FKBP15: variants seen among roughly 807,000 people sequenced by gnomAD.
FKBP15 encodes the protein FKBP prolyl isomerase family member 15, also known as FK506-binding protein 15.
Under a neutral mutation model 158.1 loss-of-function variants are expected in FKBP15, and 106 were observed. The ratio of observed to expected loss-of-function variants is 0.67; its 90% CI spans 0.57 to 0.79. The LOEUF (loss-of-function observed/expected upper bound fraction) is 0.79, where lower values mean the gene tolerates loss of function less well. Ranked by LOEUF, FKBP15 falls within the 30% of genes least tolerant of loss-of-function variation. The pLI is 0.00. For missense variants in FKBP15, 1,287 were observed against 1,479.1 expected (o/e 0.87, Z 2.13); for synonymous variants, 547 against 548.6 (o/e 1.00, Z 0.04).
intron 21 of FKBP15, among the ~76,000 whole-genome samples, chr9:113,176,124 A>G (rs867625202): frequency 4.6e-5 from 7 of 152,370 alleles, no homozygotes; most frequent in African/African-American, 1.7e-4. Flanking sequence ...ATCCATCGAT[A>G]GGCAAATCAT....
At chr9:113,202,805 G>A (rs1014894422) in intron 5 of FKBP15, among the ~76,000 whole-genome samples, 156 bp downstream of exon 5, 2 of 152,126 alleles carry the variant, frequency 1.3e-5, no homozygotes, top group Non-Finnish European at 2.9e-5. Context: ...ATTCCTAGAA[G>A]GAGCCAAGAG....
chr9:113,218,324 T>C (rs1831182004), intron 1 of FKBP15, among the ~76,000 whole-genome samples: 1 of 149,392 alleles, frequency 6.7e-6, no homozygotes, highest in Admixed American at 6.7e-5. Context: ...CCTTTCCCAT[T>C]TGTAAAACGG....
chr9:113,177,784 T>C (rs1198213612), intron 20 of FKBP15, among the ~76,000 whole-genome samples: 2 of 152,218 alleles, frequency 1.3e-5, no homozygotes, highest in East Asian at 3.9e-4. Context: ...ACTAGTCCCA[T>C]GTCTGCCTTC....
In FKBP15 at chr9:113,203,043, C is replaced by G; in HGVS notation, c.325-8G>C. 6.4e-7 allele frequency: 1 copy of G among 1,559,206 alleles called. No individual in the cohort carries two copies. Among genetic ancestry groups the G allele is most frequent in the African/African-American group, 1.4e-5 (1 of 70,300 alleles). Reference sequence around the variant, plus strand: ...ATAAAGAAGAATCCTATACTGTAGACAAGCAACGACAGATAGAAAAAAAAA... The same window carrying G: ...ATAAAGAAGAATCCTATACTGTAGAGAAGCAACGACAGATAGAAAAAAAAA... On this transcript the variant is annotated splice_region_variant and splice_polypyrimidine_tract_variant and intron_variant, in intron 4 of 27. Coordinates refer to ENST00000238256, the MANE Select transcript of FKBP15 (RefSeq NM_015258.2).
intron 13 of FKBP15, 56 bp downstream of exon 13, chr9:113,188,333 G>T: frequency 2.3e-6 from 3 of 1,324,930 alleles, no homozygotes; most frequent in Non-Finnish European, 3.3e-6. Flanking sequence ...GAACAGTGAC[G>T]ATAATTTTCA....
chr9:113,195,162 C>G (rs890909889), intron 9 of FKBP15, among the ~76,000 whole-genome samples: 2 of 152,130 alleles, frequency 1.3e-5, no homozygotes, highest in Non-Finnish European at 1.5e-5. Flanking sequence ...TCACCAAGGT[C>G]TGATTTTTCA....
chr9:113,218,242 T>A (rs1230246614), intron 1 of FKBP15, among the ~76,000 whole-genome samples: 1 of 152,000 alleles, frequency 6.6e-6, no homozygotes, highest in African/African-American at 2.4e-5. Flanking sequence ...TGGTAGAATC[T>A]GCCTACCTGA....
chr9:113,191,360 T>C (rs1830571605), intron 11 of FKBP15, among the ~76,000 whole-genome samples: 1 of 152,014 alleles, frequency 6.6e-6, no homozygotes, highest in Non-Finnish European at 1.5e-5. Flanking sequence ...CTTCGCCATG[T>C]TGCCCAGGCT....
At chr9:113,205,896 T>C (rs73655844) in intron 4 of FKBP15, 34,598 of 151,938 alleles carry the variant, frequency 0.23, 4,618 homozygotes, top group African/African-American at 0.36. Context: ...GGACATTATG[T>C]GAAATGAAAT....
At chr9:113,219,652 A>G (rs1024227736) in intron 1 of FKBP15, among the ~76,000 whole-genome samples, 1 of 152,234 alleles carries the variant, frequency 6.6e-6, no homozygotes, top group African/African-American at 2.4e-5. Flanking sequence ...TGAGCCACCA[A>G]GAATTTATCT....
chr9:113,206,045 GT>G (rs35541123), intron 4 of FKBP15: 21,024 of 153,748 alleles, frequency 0.14, 1,839 homozygotes, highest in Non-Finnish European at 0.18. Flanking sequence ...TTGCTTAATG[GT>G]TACACTTTCT....
In FKBP15 at chr9:113,189,951, T is replaced by C. The variant is rs189198252; in HGVS notation, c.1173+520A>G. Among the ~76,000 whole-genome samples, 13 of 152,276 alleles carry C rather than the reference T, an allele frequency of 8.5e-5. No homozygotes were observed. In the East Asian group the frequency reaches 2.5e-3, roughly 29 times the overall value. ...AAGTGGAGAGGCTTTCTAAGCATAA[T>C]GTCAAAAGCAAATAACAAGGGGAGA... On this transcript the variant is annotated intron_variant, in intron 12 of 27. Transcript: ENST00000238256.
rs1243570135 is a variant in FKBP15 at position 113,196,953 on chromosome 9, C to T, written c.843G>A (p.Val281=). ...TCACCCGCCTAACCTCCACCTCGAA[C>T]ACCAGGATCGAGTCCGTTGCTTGAG... ...GWTQATDSIL[V]FEVEVRRVKF... is the part of the protein sequence containing the mutation. The change falls in exon 9 of 28, where the codon GTG becomes GTA. Residue 281 remains valine, a synonymous_variant. Coordinates refer to ENST00000238256, the MANE Select transcript of FKBP15 (RefSeq NM_015258.2). 4 of 1,614,002 alleles carry T rather than the reference C, an allele frequency of 2.5e-6. No individual in the cohort carries two copies. Among genetic ancestry groups the T allele is most frequent in the African/African-American group, 1.3e-5 (1 of 75,042 alleles).
At chr9:113,174,679 C>T in intron 21 of FKBP15, 96 bp from the exon 22 acceptor site, 4 of 1,304,854 alleles carry the variant, frequency 3.1e-6, no homozygotes, top group Non-Finnish European at 4.1e-6. Context: ...GGAATCCTTA[C>T]TCCATTTCTG....
At chr9:113,168,009 C>G (rs1278599282) in intron 27 of FKBP15, among the ~76,000 whole-genome samples, 1 of 152,188 alleles carries the variant, frequency 6.6e-6, no homozygotes, top group Admixed American at 6.5e-5. Context: ...TTAGTCCTAG[C>G]TTTGCCATTA....
intron 1 of FKBP15, among the ~76,000 whole-genome samples, chr9:113,213,892 CT>C (rs1359307956): frequency 6.6e-6 from 1 of 152,158 alleles, no homozygotes; most frequent in Non-Finnish European, 1.5e-5. Context: ...GTAAGCAGGG[CT>C]TTTTAGGAAT....
chr9:113,177,027 G>A lies in FKBP15; in HGVS notation c.2087-354C>T, dbSNP rs58095700. On this transcript the variant is annotated intron_variant, in intron 20 of 27. Transcript: ENST00000238256. ...GACCAGCAATAAGATTTGTCAAGCC[G>A]TCAGCTGACTCCCTCATCAACCCAT... Among the ~76,000 whole-genome samples, 1,456 of 152,256 alleles carry A rather than the reference G, an allele frequency of 9.6e-3. 31 individuals are homozygous for A. The highest frequency in any genetic ancestry group is 0.033 in the African/African-American group (1,357 of 41,534).
intron 24 of FKBP15, 90 bp downstream of exon 24, chr9:113,171,491 G>A: frequency 6.9e-7 from 1 of 1,439,094 alleles, no homozygotes; most frequent in Non-Finnish European, 9.3e-7. Flanking sequence ...ACTAAAGTTA[G>A]AAAAAGAGCT....
At chr9:113,193,630 G>GT (rs1047307615) in intron 10 of FKBP15, 81 bp from the exon 11 acceptor site, 1 of 1,202,534 alleles carries the variant, frequency 8.3e-7, no homozygotes, top group East Asian at 2.5e-5. Context: ...TAAGCAAATT[G>GT]TTTTTTTAAA....
Sources: allele counts gnomAD v4.1 joint callset (sites outside exome capture counted in the v4.1 genomes callset), GRCh38; gene constraint gnomAD v4.1.1; transcripts MANE v1.5; gene names NCBI Gene and HGNC (gene_info 2026-07-23, HGNC 2026-07-21).